Variants in CAPN3 observed in about 807,000 individuals in gnomAD.
CAPN3 encodes calpain 3.
Under a neutral mutation model 114.0 loss-of-function variants are expected in CAPN3, and 88 were observed. That is an observed-to-expected ratio of 0.77 (90% CI 0.65 to 0.92). The LOEUF is 0.92. CAPN3 is among the 40% of genes least tolerant of loss of function. The pLI, the probability that CAPN3 is intolerant of heterozygous loss-of-function variation, is 0.00. For synonymous variants in CAPN3, 386 were observed against 382.9 expected (o/e 1.01, Z -0.09); for missense variants, 1,028 against 1,069.0 (o/e 0.96, Z 0.53).
chr15:42,409,127 C>G, intron 16 of CAPN3, 176 bp from the exon 17 acceptor site: 1 of 661,784 alleles, frequency 1.5e-6, no homozygotes. Flanking sequence ...GTGAAGAGTC[C>G]CTGAGGCCTC....
rs886043752 is a variant in CAPN3, at chr15:42,408,210, G to A, written c.1801-1G>A. ...TCCTGCCTCCTCCCTCCTCTCTCCAGCCCATCATCTTCGTTTCGGACAGAG... is the reference window on the plus strand; with the variant it reads ...TCCTGCCTCCTCCCTCCTCTCTCCAACCCATCATCTTCGTTTCGGACAGAG... On this transcript the variant is annotated splice_acceptor_variant, in intron 15 of 23. Coordinates refer to ENST00000397163, the MANE Select transcript of CAPN3 (RefSeq NM_000070.3). LOFTEE classifies it high-confidence loss of function. 18 of 1,608,814 alleles carry A rather than the reference G, an allele frequency of 1.1e-5. No homozygotes were observed. Among genetic ancestry groups the A allele is most frequent in the Non-Finnish European group, 1.5e-5 (18 of 1,175,974 alleles).
chr15:42,404,501 A>G (rs751201784), intron 14 of CAPN3: 8 of 453,808 alleles, frequency 1.8e-5, no homozygotes, highest in Non-Finnish European at 3.5e-5. Flanking sequence ...CACAGAGCTC[A>G]GTAAGTGGCA....
chr15:42,388,675 G>A (rs2053468969), intron 4 of CAPN3, among the ~76,000 whole-genome samples: 1 of 151,990 alleles, frequency 6.6e-6, no homozygotes, highest in Admixed American at 6.6e-5. Context: ...TCAGGAAGTG[G>A]GGATAGCTGG....
rs1566977057 is a variant in CAPN3 at position 42,392,656 on chromosome 15, G to A, written c.963G>A (p.Gln321=). The A allele has an allele frequency of 6.2e-7, 1 of 1,613,896 alleles. No individual in the cohort carries two copies. The highest frequency in any genetic ancestry group is 8.5e-7 in the Non-Finnish European group (1 of 1,179,822). The change falls in exon 7 of 24, where the codon CAG becomes CAA. Residue 321 remains glutamine (Q), a synonymous_variant. Transcript: ENST00000397163. ...ERPTRTIIPV[Q]YETRMACGLV... Reference sequence around the variant, plus strand: ...CTCTACAGACAATCATTCCGGTTCAGTATGAGACAAGAATGGCCTGCGGGC... The same window carrying A: ...CTCTACAGACAATCATTCCGGTTCAATATGAGACAAGAATGGCCTGCGGGC...
At chr15:42,398,769 G>A (rs2053780240) in intron 9 of CAPN3, among the ~76,000 whole-genome samples, 1 of 143,114 alleles carries the variant, frequency 7.0e-6, no homozygotes, top group African/African-American at 2.6e-5. Context: ...CTGTGCTATT[G>A]AGCATTAGAG....
At chr15:42,375,945 ATC>A (rs1388715572) in intron 1 of CAPN3, among the ~76,000 whole-genome samples, 1 of 152,142 alleles carries the variant, frequency 6.6e-6, no homozygotes, top group Non-Finnish European at 1.5e-5. Context: ...CTGTGACAGT[ATC>A]TCTGCCTTCT....
At chr15:42,375,025 T>G (rs1052450093) in intron 1 of CAPN3, among the ~76,000 whole-genome samples, 4 of 147,136 alleles carry the variant, frequency 2.7e-5, no homozygotes, top group South Asian at 2.1e-4. Flanking sequence ...ATTTATTTAT[T>G]TATTTATTTA....
At chr15:42,399,193 G>C (rs1011933669) in intron 9 of CAPN3, among the ~76,000 whole-genome samples, 3 of 152,012 alleles carry the variant, frequency 2.0e-5, no homozygotes, top group Non-Finnish European at 4.4e-5. Context: ...ACCACTGTCT[G>C]CTCTCTACTT....
intron 1 of CAPN3, among the ~76,000 whole-genome samples, chr15:42,377,185 C>T (rs2053111910): frequency 6.6e-6 from 1 of 151,840 alleles, no homozygotes; most frequent in Non-Finnish European, 1.5e-5. Context: ...GTTGCATTAG[C>T]TAGGACTTCC....
rs1201608177 is a variant in CAPN3, at chr15:42,408,413, AG to A, written c.1914+91del. On this transcript the variant is annotated intron_variant, in intron 16 of 23. Coordinates refer to ENST00000397163, the MANE Select transcript of CAPN3 (RefSeq NM_000070.3). ...GATACACAGGGGCTGGAGGCTTCCC[AG>A]GAGTTTGTCTTGAACATCTGGAGGT... The A allele has an allele frequency of 5.0e-6, 4 of 804,166 alleles. No homozygotes were observed. In the South Asian group the frequency reaches 5.6e-5, roughly 11 times the overall value. 49.8% of individuals were successfully genotyped at this position (804,166 alleles called of 1,614,324 possible). A position where few individuals can be genotyped will look rare whatever the true frequency, so the allele number is the denominator to read the frequency against.
chr15:42,406,086 G>A lies in CAPN3; in HGVS notation c.1800+143G>A, dbSNP rs28364509. The A allele has an allele frequency of 0.024, 18,746 of 783,548 alleles. 1,518 individuals carry two copies. The highest frequency in any genetic ancestry group is 0.21 in the African/African-American group (12,494 of 58,284). The allele number at this position is 783,548 out of a possible 1,614,324, so 48.5% of individuals were successfully genotyped here. A position where few individuals can be genotyped will look rare whatever the true frequency, so the allele number is the denominator to read the frequency against. ...CCCCTCCTTCCTGAGCTTCTGCTGGGGCCGAGCGTGCAGTAATGACAACTA... is the reference window on the plus strand; with the variant it reads ...CCCCTCCTTCCTGAGCTTCTGCTGGAGCCGAGCGTGCAGTAATGACAACTA... On this transcript the variant is annotated intron_variant, in intron 15 of 23. Coordinates refer to ENST00000397163, the MANE Select transcript of CAPN3 (RefSeq NM_000070.3).
chr15:42,401,901 C>G (rs761611129), intron 11 of CAPN3, 91 bp downstream of exon 11: 220 of 1,441,622 alleles, frequency 1.5e-4, no homozygotes, highest in Non-Finnish European at 1.9e-4. Flanking sequence ...CTGGCTTCCT[C>G]AATACCCAGT....
At chr15:42,382,989 C>T (rs368364197) in intron 1 of CAPN3, among the ~76,000 whole-genome samples, 3 of 152,324 alleles carry the variant, frequency 2.0e-5, no homozygotes, top group East Asian at 3.9e-4. Context: ...CAGAGTTCTA[C>T]TTCCATCCCT....
Position 42,408,263 on chromosome 15 carries a change from A to G in CAPN3, c.1853A>G (p.Asp618Gly). ...AACAGCAACAAGGAGCTGGGTGTGG[A>G]CCAGGAGTCAGAGGAGGGCAAAGGC... Reference protein sequence around the residue: ...RANSNKELGVDQESEEGKGKT... With the variant: ...RANSNKELGVGQESEEGKGKT... Residue 618 changes from aspartate to glycine, a missense_variant, in exon 16 of 24, where the codon GAC (aspartate) becomes GGC (glycine). By Grantham distance (94) the Asp-to-Gly change is moderately conservative (BLOSUM62 -1). Coordinates refer to ENST00000397163, the MANE Select transcript of CAPN3 (RefSeq NM_000070.3). 6.2e-7 allele frequency: 1 copy of G among 1,613,910 alleles called. No individual in the cohort carries two copies. The highest frequency in any genetic ancestry group is 8.5e-7 in the Non-Finnish European group (1 of 1,179,890).
At chr15:42,411,423 G>C (rs1566986464) in intron 23 of CAPN3, 78 bp downstream of exon 23, 2 of 1,282,554 alleles carry the variant, frequency 1.6e-6, no homozygotes, top group Non-Finnish European at 2.3e-6. Context: ...ACTGGACCCA[G>C]GGTGTGCTCC....
chr15:42,369,244 G>A (rs1296584562), intron 1 of CAPN3, among the ~76,000 whole-genome samples: 1 of 152,162 alleles, frequency 6.6e-6, no homozygotes, highest in Non-Finnish European at 1.5e-5. Flanking sequence ...TTTCTGGTTG[G>A]AGATGTCATT....
At position 42,387,861 on chromosome 15, in the gene CAPN3, G is replaced by A; in HGVS notation, c.607G>A (p.Ala203Thr). The change falls in exon 4 of 24, where the codon GCT (alanine) becomes ACT (threonine). Residue 203 changes from alanine to threonine, a missense_variant. Transcript: ENST00000397163. ...KSNHRNEFWS[A>T]LLEKAYAKLH... ...CAACCACCGCAATGAGTTCTGGAGT[G>A]CTCTGCTGGAGAAGGCTTATGCTAA... The A allele has an allele frequency of 6.2e-7, 1 of 1,614,154 alleles. No homozygotes were observed. Among genetic ancestry groups the A allele is most frequent in the Non-Finnish European group, 8.5e-7 (1 of 1,179,990 alleles).
intron 16 of CAPN3, chr15:42,408,663 A>G (rs1042799294): frequency 1.9e-5 from 7 of 372,620 alleles, no homozygotes; most frequent in Non-Finnish European, 3.1e-5. Flanking sequence ...GGCCTTGAGC[A>G]TTTCACAATA....
intron 8 of CAPN3, 101 bp from the exon 9 acceptor site, chr15:42,396,699 C>G: frequency 2.2e-6 from 2 of 902,196 alleles, no homozygotes; most frequent in South Asian, 2.7e-5. Flanking sequence ...TGGTAGTTCA[C>G]AGCAGCTGCA....
Sources: gnomAD v4.1 joint callset for allele counts (sites outside exome capture counted in the v4.1 genomes callset) on GRCh38, gnomAD v4.1.1 for gene constraint, MANE v1.5 for transcripts, NCBI Gene and HGNC (gene_info 2026-07-23, HGNC 2026-07-21) for gene names.